SENP7: variants seen among roughly 807,000 people sequenced by gnomAD.
SENP7 encodes SUMO specific peptidase 7, also known as sentrin-specific protease 7.
Under a neutral mutation model 141.2 loss-of-function variants are expected in SENP7, and 64 were observed. That is an observed-to-expected ratio of 0.45 (90% CI 0.37 to 0.56). The LOEUF is 0.56. Among genes scored for constraint, SENP7 ranks in the 20% least tolerant of loss-of-function variants. The probability of loss-of-function intolerance (pLI) is 0.00; values close to 1 mark genes in which losing one functional copy is unlikely to be tolerated. For synonymous variants in SENP7, 382 were observed against 426.4 expected (o/e 0.90, Z 1.28); for missense variants, 1,025 against 1,212.2 (o/e 0.85, Z 2.29).
At position 101,456,776 on chromosome 3, in the gene SENP7, T is replaced by C. The variant is rs910967614; in HGVS notation, c.284+2179A>G. On this transcript the variant is annotated intron_variant, in intron 4 of 23. Transcript: ENST00000394095. The stretch of plus-strand genomic sequence containing the variant: ...AAAAGTGAGATTTAAATAATATAAG[T>C]ATTTTTTAAATTTTACTTTTATTAG... 3.9e-5 allele frequency among the ~76,000 whole-genome samples: 6 copies of C among 152,150 alleles called. No individual in the cohort carries two copies. In the South Asian group the frequency reaches 6.2e-4, roughly 16 times the overall value.
intron 6 of SENP7, among the ~76,000 whole-genome samples, chr3:101,377,976 G>A (rs976975986): frequency 2.6e-5 from 4 of 152,098 alleles, no homozygotes; most frequent in African/African-American, 9.7e-5. Flanking sequence ...TTAGCAGTAG[G>A]ATATAAATAA....
chr3:101,467,436 T>C (rs914643641), intron 3 of SENP7, among the ~76,000 whole-genome samples: 2 of 152,334 alleles, frequency 1.3e-5, no homozygotes, highest in Admixed American at 6.5e-5. Flanking sequence ...CATTAGGGGA[T>C]GACAGACACC....
chr3:101,467,327 A>G (rs865917426), intron 3 of SENP7, among the ~76,000 whole-genome samples: 1 of 152,264 alleles, frequency 6.6e-6, no homozygotes. Flanking sequence ...TGAAGAGAGC[A>G]GTGGTTCTCC....
intron 4 of SENP7, among the ~76,000 whole-genome samples, chr3:101,440,592 A>G (rs1317728754): frequency 3.3e-5 from 5 of 151,064 alleles, no homozygotes; most frequent in African/African-American, 1.2e-4. Flanking sequence ...AAAAAAAAAA[A>G]AAAAAGAATG....
intron 4 of SENP7, among the ~76,000 whole-genome samples, chr3:101,444,698 C>T (rs1477714449): frequency 2.9e-5 from 4 of 135,628 alleles, no homozygotes; most frequent in African/African-American, 1.1e-4. Context: ...ACAATGAGAA[C>T]ACATGGACAC....
At chr3:101,368,209 A>G (rs2060087784) in intron 7 of SENP7, among the ~76,000 whole-genome samples, 198 bp from the exon 8 acceptor site, 1 of 152,166 alleles carries the variant, frequency 6.6e-6, no homozygotes, top group Admixed American at 6.5e-5. Flanking sequence ...TACCAAGTAA[A>G]TGTTCATTAT....
chr3:101,431,924 G>A (rs2062193756), intron 4 of SENP7, among the ~76,000 whole-genome samples: 1 of 152,126 alleles, frequency 6.6e-6, no homozygotes, highest in Admixed American at 6.5e-5. Flanking sequence ...ATTAAAAGGG[G>A]ATTTTGTCTT....
chr3:101,492,323 C>T lies in SENP7; in HGVS notation c.186+1550G>A, dbSNP rs564228008. ...CCAGGAAGCTGAGGCTGCAATGAGC[C>T]GTGAGTGTGCCAGTGCACTCCAGCC... is the stretch of plus-strand genomic sequence containing the variant. On this transcript the variant is annotated intron_variant, in intron 3 of 23. Transcript: ENST00000394095. Among the ~76,000 whole-genome samples the T allele has an allele frequency of 1.2e-4, 18 of 151,910 alleles. No homozygotes were observed. In the South Asian group the frequency reaches 2.7e-3, roughly 23 times the overall value.
intron 18 of SENP7, 111 bp from the exon 19 acceptor site, chr3:101,332,220 A>C: frequency 9.4e-7 from 1 of 1,059,594 alleles, no homozygotes; most frequent in Non-Finnish European, 1.3e-6. Context: ...AATTTTGAAG[A>C]CATCCACTGT....
intron 2 of SENP7, among the ~76,000 whole-genome samples, chr3:101,500,093 T>C (rs557959619): frequency 6.6e-6 from 1 of 152,352 alleles, no homozygotes; most frequent in South Asian, 2.1e-4. Flanking sequence ...TCTTCCTTTA[T>C]GACTTCTTCT....
At chr3:101,453,935 A>AG (rs2107846718) in intron 4 of SENP7, among the ~76,000 whole-genome samples, 2 of 152,292 alleles carry the variant, frequency 1.3e-5, no homozygotes, top group South Asian at 4.1e-4. Context: ...TCATTTAGTT[A>AG]TTAGGAAATG....
intron 15 of SENP7, among the ~76,000 whole-genome samples, chr3:101,340,991 G>T (rs1328757150): frequency 6.6e-6 from 1 of 152,142 alleles, no homozygotes; most frequent in Non-Finnish European, 1.5e-5. Context: ...GTTCAGTATG[G>T]TAAGAGTCAT....
At chr3:101,439,658 C>G (rs1371298395) in intron 4 of SENP7, among the ~76,000 whole-genome samples, 35 of 35,180 alleles carry the variant, frequency 9.9e-4, no homozygotes, top group African/African-American at 3.6e-3. Context: ...CCAGCCACCC[C>G]GTCCGGGAGG....
intron 12 of SENP7, 34 bp downstream of exon 12, chr3:101,351,583 TA>T: frequency 7.6e-7 from 1 of 1,318,566 alleles, no homozygotes; most frequent in South Asian, 1.8e-5. Flanking sequence ...AAAACTATAG[TA>T]AAAAGACAAG....
rs1324771955 is a variant in SENP7, at chr3:101,325,537, T to C, written c.*406A>G. The C allele has an allele frequency of 6.5e-6, 1 of 152,908 alleles. No homozygotes were observed. The highest frequency in any genetic ancestry group is 1.5e-5 in the Non-Finnish European group (1 of 68,280). 9.5% of individuals were successfully genotyped at this position (152,908 alleles called of 1,614,324 possible). ...TAGAATTACAATATGATGTGACCTG[T>C]CAGCAAATTTGACAAGCACTGGGGC... On this transcript the variant is annotated 3_prime_UTR_variant, in exon 24 of 24. Transcript: ENST00000394095.
At chr3:101,387,466 A>T (rs1367608305) in intron 6 of SENP7, among the ~76,000 whole-genome samples, 1 of 152,098 alleles carries the variant, frequency 6.6e-6, no homozygotes, top group East Asian at 1.9e-4. Flanking sequence ...TGCACACACC[A>T]CTGGGGAGCC....
intron 13 of SENP7, among the ~76,000 whole-genome samples, chr3:101,344,320 A>G (rs911062199): frequency 3.2e-4 from 49 of 152,210 alleles, no homozygotes; most frequent in Admixed American, 3.1e-3. Context: ...TATTCCAATT[A>G]AACACCTCCT....
At chr3:101,382,839 G>C (rs1456377396) in intron 6 of SENP7, among the ~76,000 whole-genome samples, 2 of 152,098 alleles carry the variant, frequency 1.3e-5, no homozygotes, top group Non-Finnish European at 2.9e-5. Flanking sequence ...AACATATTTT[G>C]CAAAATAAAC....
chr3:101,411,536 G>C (rs6441603), intron 5 of SENP7, among the ~76,000 whole-genome samples: 152,028 of 152,316 alleles, frequency 1, 75,871 homozygotes, highest in Middle Eastern at 1. Flanking sequence ...TGTGTGATAG[G>C]CTTGAAGAAC....
Sources: gnomAD v4.1 joint callset for allele counts (sites outside exome capture counted in the v4.1 genomes callset) on GRCh38, gnomAD v4.1.1 for gene constraint, MANE v1.5 for transcripts, NCBI Gene and HGNC (gene_info 2026-07-23, HGNC 2026-07-21) for gene names.